APBB2: variants seen among roughly 807,000 people sequenced by gnomAD.
The protein encoded by APBB2 is Fe65-like 1.
In APBB2, 38 loss-of-function variants were observed where a neutral mutation model predicts 82.5. The ratio of observed to expected loss-of-function variants is 0.46; its 90% CI spans 0.36 to 0.60. APBB2 has a LOEUF of 0.60. APBB2 is among the 20% of genes least tolerant of loss of function. The probability of loss-of-function intolerance (pLI) is 0.00; values close to 1 mark genes in which losing one functional copy is unlikely to be tolerated. For synonymous variants in APBB2, 341 were observed against 368.2 expected (o/e 0.93, Z 0.85); for missense variants, 772 against 972.3 (o/e 0.79, Z 2.74).
At chr4:40,882,089 G>A (rs181859284) in intron 12 of APBB2, among the ~76,000 whole-genome samples, 75 of 152,222 alleles carry the variant, frequency 4.9e-4, no homozygotes, top group Non-Finnish European at 8.7e-4. Flanking sequence ...GGTCAACCAG[G>A]GAGGGGACAG....
At chr4:40,843,177 A>T (rs537803302) in intron 12 of APBB2, among the ~76,000 whole-genome samples, 1 of 152,340 alleles carries the variant, frequency 6.6e-6, no homozygotes, top group African/African-American at 2.4e-5. Flanking sequence ...TAGACCGAAG[A>T]GCATGGAGCA....
At chr4:41,137,185 T>C (rs2154014325) in intron 2 of APBB2, among the ~76,000 whole-genome samples, 1 of 152,338 alleles carries the variant, frequency 6.6e-6, no homozygotes, top group East Asian at 1.9e-4. Flanking sequence ...TTCTATTTAG[T>C]AAAATAATAG....
At chr4:41,115,340 T>C (rs777777597) in intron 2 of APBB2, among the ~76,000 whole-genome samples, 1 of 152,190 alleles carries the variant, frequency 6.6e-6, no homozygotes, top group Non-Finnish European at 1.5e-5. Flanking sequence ...GATTAAATAC[T>C]TAAACGTAGA....
intron 6 of APBB2, among the ~76,000 whole-genome samples, chr4:40,989,856 T>C (rs756595027): frequency 6.6e-6 from 1 of 152,344 alleles, no homozygotes; most frequent in South Asian, 2.1e-4. Flanking sequence ...GGCAGCAAGA[T>C]AACAATCACT....
At chr4:40,960,792 C>T (rs1038612113) in intron 6 of APBB2, among the ~76,000 whole-genome samples, 2 of 152,010 alleles carry the variant, frequency 1.3e-5, no homozygotes, top group Non-Finnish European at 2.9e-5. Flanking sequence ...TGTTCATCAA[C>T]AGCCAGTCTT....
chr4:40,822,646 G>A (rs186358314), intron 16 of APBB2, among the ~76,000 whole-genome samples: 12 of 152,296 alleles, frequency 7.9e-5, no homozygotes, highest in African/African-American at 2.9e-4. Context: ...CTTTCTCATA[G>A]GGATGAACAC....
intron 6 of APBB2, among the ~76,000 whole-genome samples, chr4:40,961,667 T>TAAAAAAAAAAA (rs60942744): frequency 1.5e-5 from 1 of 68,246 alleles, no homozygotes; most frequent in Non-Finnish European, 2.5e-5. Flanking sequence ...AAAAAAGATG[T>TAAAAAAAAAAA]AAAAAAAAAA....
chr4:41,042,278 C>A (rs539736643), intron 4 of APBB2, among the ~76,000 whole-genome samples: 2 of 152,146 alleles, frequency 1.3e-5, no homozygotes, highest in Non-Finnish European at 2.9e-5. Context: ...CGTGAGCCAC[C>A]GTGCCCGGCC....
At chr4:41,131,464 C>T (rs567935447) in intron 2 of APBB2, among the ~76,000 whole-genome samples, 108 of 152,262 alleles carry the variant, frequency 7.1e-4, no homozygotes, top group African/African-American at 2.5e-3. Context: ...CAAACACATA[C>T]ATATACATAC....
chr4:41,032,808 G>A (rs1262225365), intron 5 of APBB2, among the ~76,000 whole-genome samples: 22 of 79,528 alleles, frequency 2.8e-4, no homozygotes, highest in African/African-American at 4.6e-4. Flanking sequence ...TTTTTGAGAC[G>A]GAGTTTCGCT....
At position 40,832,011 on chromosome 4, in the gene APBB2, T is replaced by TACACACACACACACACACACACAC. The variant is rs1386389411; in HGVS notation, c.1530-1435_1530-1434insGTGTGTGTGTGTGTGTGTGTGTGT. ...ACACACATATTTATATATTTATTTA[T>TACACACACACACACACACACACAC]ATACACACACACACACACACACACA... is the stretch of plus-strand genomic sequence containing the variant. On this transcript the variant is annotated intron_variant, in intron 12 of 17. Coordinates refer to ENST00000508593, the MANE Select transcript of APBB2 (RefSeq NM_004307.2). This position sits in a 1 kb window ranked among gnomAD's most constrained non-coding sequence, Gnocchi z 4.8. Among the ~76,000 whole-genome samples the TACACACACACACACACACACACAC allele has an allele frequency of 3.2e-4, 16 of 49,568 alleles. No individual in the cohort carries two copies. Among genetic ancestry groups the TACACACACACACACACACACACAC allele is most frequent in the African/African-American group, 8.4e-4 (16 of 19,140 alleles). 32.5% of individuals were successfully genotyped at this position (49,568 alleles called of 152,430 possible).
At chr4:40,894,084 C>T (rs1244294917) in intron 10 of APBB2, among the ~76,000 whole-genome samples, 5 of 151,878 alleles carry the variant, frequency 3.3e-5, no homozygotes, top group East Asian at 1.9e-4. Context: ...GTCAGGAGAT[C>T]GAGACCATCC....
chr4:41,201,854 T>C (rs750889370), intron 1 of APBB2, among the ~76,000 whole-genome samples: 4 of 152,206 alleles, frequency 2.6e-5, no homozygotes, highest in Non-Finnish European at 4.4e-5. Context: ...GTCAGTAATA[T>C]ACACGGCCAA....
chr4:41,005,117 A>C (rs1806338144), intron 6 of APBB2, among the ~76,000 whole-genome samples: 1 of 152,050 alleles, frequency 6.6e-6, no homozygotes, highest in Non-Finnish European at 1.5e-5. Flanking sequence ...TTTGACATGG[A>C]GTCTCACTCT....
chr4:41,011,492 G>A (rs991518935), intron 6 of APBB2, among the ~76,000 whole-genome samples: 5 of 151,380 alleles, frequency 3.3e-5, no homozygotes, highest in Non-Finnish European at 5.9e-5. Flanking sequence ...GTGCAGTGGC[G>A]GGATCTTGGC....
chr4:41,034,715 C>T (rs1024255917), intron 4 of APBB2, among the ~76,000 whole-genome samples: 1 of 152,192 alleles, frequency 6.6e-6, no homozygotes, highest in South Asian at 2.1e-4. Context: ...AAAGCGTACA[C>T]ATATAAATAC....
chr4:40,943,319 G>A (rs1787530494), intron 7 of APBB2, among the ~76,000 whole-genome samples: 1 of 152,248 alleles, frequency 6.6e-6, no homozygotes, highest in South Asian at 2.1e-4. Flanking sequence ...TGGCTGGGAA[G>A]ATGGCTAAAG....
intron 4 of APBB2, among the ~76,000 whole-genome samples, chr4:41,053,400 ATTAT>A (rs1726771661): frequency 6.6e-6 from 1 of 152,148 alleles, no homozygotes; most frequent in Non-Finnish European, 1.5e-5. Flanking sequence ...AAAAAGTTAA[ATTAT>A]TTCTCCCTAC....
chr4:40,899,927 CG>C (rs1227230121), intron 10 of APBB2, among the ~76,000 whole-genome samples: 3 of 152,084 alleles, frequency 2.0e-5, no homozygotes, highest in Non-Finnish European at 4.4e-5. Flanking sequence ...AAGTCAGCCT[CG>C]GGGTACAGGA....
Sources: allele counts gnomAD v4.1 joint callset (sites outside exome capture counted in the v4.1 genomes callset), GRCh38; gene constraint gnomAD v4.1.1; non-coding constraint Gnocchi (gnomAD v3.1); transcripts MANE v1.5; gene names NCBI Gene and HGNC (gene_info 2026-07-23, HGNC 2026-07-21).